The following CELF2 variants were observed in gnomAD, a reference collection of about 807,000 sequenced individuals.
CELF2 encodes CUG triplet repeat RNA-binding protein 2.
CELF2 carries 8 observed loss-of-function variants against 62.6 expected under a neutral mutation model. The ratio of observed to expected loss-of-function variants is 0.13; its 90% CI spans 0.07 to 0.23. The LOEUF is 0.23. Ranked by LOEUF, CELF2 falls within the 10% of genes least tolerant of loss-of-function variation. CELF2 has a pLI of 1.00. For missense variants in CELF2, 333 were observed against 671.0 expected (o/e 0.50, Z 5.56); for synonymous variants, 258 against 250.0 (o/e 1.03, Z -0.30).
chr10:10,891,943 A>T (rs770994369), intron 1 of CELF2, among the ~76,000 whole-genome samples: 1 of 152,256 alleles, frequency 6.6e-6, no homozygotes, highest in Non-Finnish European at 1.5e-5. Flanking sequence ...AAGGTCTGAC[A>T]ACCATTCACT....
intron 1 of CELF2, among the ~76,000 whole-genome samples, chr10:11,028,685 C>A (rs565222768): frequency 1.4e-5 from 2 of 144,558 alleles, no homozygotes; most frequent in African/African-American, 5.2e-5. Flanking sequence ...TCCCAAAGTG[C>A]TAGGATTACA....
chr10:11,081,594 T>C (rs1043748203), intron 1 of CELF2, among the ~76,000 whole-genome samples: 6 of 151,986 alleles, frequency 3.9e-5, no homozygotes, highest in Non-Finnish European at 7.4e-5. Flanking sequence ...AGAAAAAAAA[T>C]AAAAAATAGG....
intron 1 of CELF2, among the ~76,000 whole-genome samples, chr10:10,859,214 G>A (rs2059921036): frequency 2.6e-5 from 4 of 152,102 alleles, no homozygotes; most frequent in Admixed American, 2.6e-4. Flanking sequence ...AAAACAAATT[G>A]CTCATTCCCT....
intron 8 of CELF2, among the ~76,000 whole-genome samples, chr10:11,279,381 C>A (rs1253823845): frequency 6.6e-6 from 1 of 152,142 alleles, no homozygotes; most frequent in Non-Finnish European, 1.5e-5. Flanking sequence ...GTCTTGGTGT[C>A]TAGCACGAGT....
At chr10:11,278,480 G>A (rs1486882717) in intron 8 of CELF2, among the ~76,000 whole-genome samples, 4 of 152,242 alleles carry the variant, frequency 2.6e-5, no homozygotes, top group African/African-American at 9.6e-5. Context: ...CTTGGGGTCT[G>A]AGTTTGGGCT....
Position 11,008,668 on chromosome 10 carries a change from G to C in CELF2, c.53+3228G>C, listed in dbSNP as rs1453714628. Among the ~76,000 whole-genome samples, 2 of 152,206 alleles carry C rather than the reference G, an allele frequency of 1.3e-5. No individual in the cohort carries two copies. The highest frequency in any genetic ancestry group is 2.4e-5 in the African/African-American group (1 of 41,454). Reference sequence around the variant, plus strand: ...ATGGAAACACGCAGGTTCTTGGAAAGAAAGTAAAATGCACAAGGAAGAGTG... The same window carrying C: ...ATGGAAACACGCAGGTTCTTGGAAACAAAGTAAAATGCACAAGGAAGAGTG... On this transcript the variant is annotated intron_variant, in intron 1 of 12. Transcript: ENST00000416382. The surrounding 1 kb of genome is among the most constrained non-coding windows in gnomAD (Gnocchi z 4.5).
the CELF2 span, among the ~76,000 whole-genome samples, chr10:10,688,954 T>C: frequency 6.6e-6 from 1 of 151,982 alleles, no homozygotes; most frequent in Non-Finnish European, 1.5e-5. Flanking sequence ...CAGTGAACCA[T>C]GCTCACACCA....
chr10:11,219,962 C>T (rs924104390), intron 3 of CELF2, among the ~76,000 whole-genome samples: 5 of 152,038 alleles, frequency 3.3e-5, no homozygotes, highest in Admixed American at 6.6e-5. Flanking sequence ...CAAGTGAGTT[C>T]GGTAATTTAA....
chr10:11,005,319 A>G (rs1379795279), upstream of CELF2: 2 of 1,606,050 alleles, frequency 1.2e-6, no homozygotes, highest in Admixed American at 1.7e-5. The surrounding 1 kb of genome is among the most constrained non-coding windows in gnomAD (Gnocchi z 4.3). Context: ...GTTAGTGAGC[A>G]GCGACTGTGG....
intron 1 of CELF2, among the ~76,000 whole-genome samples, chr10:10,837,223 G>A (rs1238893209): frequency 6.6e-6 from 1 of 152,172 alleles, no homozygotes; most frequent in Non-Finnish European, 1.5e-5. Flanking sequence ...CCTCCATATT[G>A]TTCTGGAGGA....
At chr10:10,542,036 C>T in the CELF2 span, among the ~76,000 whole-genome samples, 2 of 152,196 alleles carry the variant, frequency 1.3e-5, no homozygotes, top group African/African-American at 4.8e-5. Context: ...CTCTCCCAGA[C>T]AGAATTTGCA....
At chr10:10,574,374 C>T in the CELF2 span, among the ~76,000 whole-genome samples, 13 of 152,066 alleles carry the variant, frequency 8.5e-5, no homozygotes, top group Non-Finnish European at 1.3e-4. Flanking sequence ...GGGGCCATGC[C>T]GTGCTGGGCA....
chr10:10,671,165 C>CAAAA, the CELF2 span, among the ~76,000 whole-genome samples: 1 of 62,850 alleles, frequency 1.6e-5, no homozygotes, highest in Non-Finnish European at 3.3e-5. Flanking sequence ...GATCCTGTCT[C>CAAAA]AAAAAAAAAA....
chr10:10,981,776 C>T (rs1450397120), intron 2 of CELF2, among the ~76,000 whole-genome samples: 1 of 152,078 alleles, frequency 6.6e-6, no homozygotes, highest in Admixed American at 6.6e-5. Flanking sequence ...TCATGTATTT[C>T]CTCACTTAAT....
At chr10:11,035,159 C>A (rs1442875365) in intron 1 of CELF2, among the ~76,000 whole-genome samples, 8 of 152,042 alleles carry the variant, frequency 5.3e-5, no homozygotes, top group African/African-American at 1.7e-4. Context: ...GGGATTAACC[C>A]AAACTTTTCC....
At chr10:10,482,971 C>T in the CELF2 span, among the ~76,000 whole-genome samples, 22 of 152,144 alleles carry the variant, frequency 1.4e-4, no homozygotes, top group Non-Finnish European at 2.5e-4. Context: ...CCTTCCTTCC[C>T]ATGAAAACAC....
At chr10:10,991,524 T>C (rs566053339) in intron 2 of CELF2, among the ~76,000 whole-genome samples, 25 of 152,284 alleles carry the variant, frequency 1.6e-4, no homozygotes, top group African/African-American at 5.3e-4. Context: ...CAGTGCATCC[T>C]GGGGGTGATA....
At chr10:10,759,857 TG>T in the CELF2 span, among the ~76,000 whole-genome samples, 3,599 of 152,318 alleles carry the variant, frequency 0.024, 70 homozygotes, top group Non-Finnish European at 0.038. Context: ...GAAAAGACGG[TG>T]ATATTCCTAT....
intron 2 of CELF2, among the ~76,000 whole-genome samples, chr10:11,208,438 A>G (rs2060963129): frequency 6.6e-6 from 1 of 152,224 alleles, no homozygotes; most frequent in South Asian, 2.1e-4. Flanking sequence ...TCCACAAAGT[A>G]TGGTCAGCCA....
Sources: gnomAD v4.1 joint callset for allele counts (sites outside exome capture counted in the v4.1 genomes callset) on GRCh38, gnomAD v4.1.1 for gene constraint, Gnocchi (gnomAD v3.1) non-coding constraint, MANE v1.5 for transcripts, NCBI Gene and HGNC (gene_info 2026-07-23, HGNC 2026-07-21) for gene names.